USP34: variants seen among roughly 807,000 people sequenced by gnomAD.
USP34 encodes the protein ubiquitin carboxyl-terminal hydrolase 34.
In USP34, 70 loss-of-function variants were observed where a neutral mutation model predicts 460.3. The ratio of observed to expected loss-of-function variants is 0.15; its 90% CI spans 0.13 to 0.19. The LOEUF (loss-of-function observed/expected upper bound fraction) is 0.19, where lower values mean the gene tolerates loss of function less well. Ranked by LOEUF, USP34 falls within the 10% of genes least tolerant of loss-of-function variation. The probability of loss-of-function intolerance (pLI) is 1.00; values close to 1 mark genes in which losing one functional copy is unlikely to be tolerated. For missense variants in USP34, 3,985 were observed against 4,236.2 expected, an observed-to-expected ratio of 0.94 and a Z score of 1.65; for synonymous variants, 1,647 against 1,405.3, an observed-to-expected ratio of 1.17 and a Z score of -3.85.
chr2:61,385,192 C>T (rs1693098876), intron 5 of USP34, among the ~76,000 whole-genome samples: 1 of 152,076 alleles, frequency 6.6e-6, no homozygotes, highest in Admixed American at 6.6e-5. Context: ...AAGATACACA[C>T]CTCTACATAA....
At chr2:61,360,945 T>C (rs892629628) in intron 10 of USP34, among the ~76,000 whole-genome samples, 1 of 152,178 alleles carries the variant, frequency 6.6e-6, no homozygotes, top group Non-Finnish European at 1.5e-5. Context: ...TTAATAGGCG[T>C]GTGCCACCAC....
chr2:61,263,169 T>C (rs1055312048), intron 43 of USP34, among the ~76,000 whole-genome samples: 4 of 122,168 alleles, frequency 3.3e-5, no homozygotes, highest in Admixed American at 8.9e-5. Context: ...CCACCACACA[T>C]GGAATTTTTT....
chr2:61,375,039 G>A (rs1692750646), intron 8 of USP34, among the ~76,000 whole-genome samples: 1 of 152,152 alleles, frequency 6.6e-6, no homozygotes, highest in Admixed American at 6.5e-5. Context: ...ACACAGAACA[G>A]TCTGTAGTAC....
intron 48 of USP34, among the ~76,000 whole-genome samples, chr2:61,254,819 T>C (rs1171594010): frequency 1.3e-5 from 2 of 152,176 alleles, no homozygotes; most frequent in Non-Finnish European, 2.9e-5. Context: ...TTGTATAATG[T>C]TTGGCACGCA....
At chr2:61,384,952 T>C (rs1489888180) in intron 5 of USP34, among the ~76,000 whole-genome samples, 1 of 152,078 alleles carries the variant, frequency 6.6e-6, no homozygotes. Context: ...TATAATTATA[T>C]AATTAGGAAA....
chr2:61,451,702 C>G (rs1312026310), intron 1 of USP34, among the ~76,000 whole-genome samples: 1 of 149,422 alleles, frequency 6.7e-6, no homozygotes, highest in African/African-American at 2.5e-5. Flanking sequence ...AACAAAAAAA[C>G]AAAAAACCAG....
At chr2:61,332,337 G>A (rs1266647794) in intron 19 of USP34, among the ~76,000 whole-genome samples, 1 of 151,948 alleles carries the variant, frequency 6.6e-6, no homozygotes, top group Non-Finnish European at 1.5e-5. Flanking sequence ...AATAACCACA[G>A]GAGTTCTTTT....
In USP34 at chr2:61,314,905, T is replaced by C. The variant is rs1157591948; in HGVS notation, c.3352A>G (p.Ile1118Val). ...ATATAATAGGAGTTAATATACTGGA[T>C]AGCTGCTCGACTGACATCACCAGAT... is the stretch of plus-strand genomic sequence containing the variant. ...AQSGDVSRAAIQYINSYYING... is the reference protein window; with the variant it reads ...AQSGDVSRAAVQYINSYYING... The change falls in exon 24 of 80, where the codon ATC becomes GTC. Residue 1118 changes from isoleucine to valine, a missense_variant. Coordinates refer to ENST00000398571, the MANE Select transcript of USP34 (RefSeq NM_014709.4). 6.2e-7 allele frequency: 1 copy of C among 1,613,904 alleles called. No homozygotes were observed. Among genetic ancestry groups the C allele is most frequent in the Admixed American group, 1.7e-5 (1 of 59,984 alleles).
Position 61,341,684 on chromosome 2 carries a change from TTGCACAACC to T in USP34, c.2501-2012_2501-2004del, listed in dbSNP as rs989004831. ...GAAGCAGATGCTGGCACTATGCTTC[TTGCACAACC>T]TGCACAACTGTGAGCCAAAATAAAC... On this transcript the variant is annotated intron_variant, in intron 16 of 79. Transcript: ENST00000398571. Among the ~76,000 whole-genome samples, 173 of 152,080 alleles carry T rather than the reference TTGCACAACC, an allele frequency of 1.1e-3. 1 individual carries two copies. The highest frequency in any genetic ancestry group is 4.0e-3 in the African/African-American group (164 of 41,498).
Position 61,188,370 on chromosome 2 carries a change from T to TCCTTGGAACAGTGGA in USP34, c.10358_10372dup (p.Lys3457_Asp3458insValHisCysSerLys). ...AGATTCTTCCTCAGCTAGGGTAGAA[T>TCCTTGGAACAGTGGA]CCTTGGAACAGTGGAGGTCTTTAAA... On this transcript the variant is annotated inframe_insertion, in exon 80 of 80. Coordinates refer to ENST00000398571, the MANE Select transcript of USP34 (RefSeq NM_014709.4). 2.5e-6 allele frequency: 4 copies of TCCTTGGAACAGTGGA among 1,613,958 alleles called. No individual in the cohort carries two copies. The highest frequency in any genetic ancestry group is 3.4e-6 in the Non-Finnish European group (4 of 1,180,042).
intron 1 of USP34, among the ~76,000 whole-genome samples, chr2:61,432,333 G>T (rs1694702469): frequency 6.6e-6 from 1 of 152,116 alleles, no homozygotes; most frequent in Non-Finnish European, 1.5e-5. Context: ...AAAATTAGCT[G>T]GGCATAATAT....
chr2:61,346,380 G>C (rs1691767909), intron 15 of USP34: 1 of 149,558 alleles, frequency 6.7e-6, no homozygotes, highest in Non-Finnish European at 1.5e-5. Flanking sequence ...TTAAGAATTA[G>C]CTAGGAGTGG....
intron 33 of USP34, among the ~76,000 whole-genome samples, chr2:61,291,802 CAA>C (rs1180286106): frequency 2.0e-5 from 3 of 152,166 alleles, no homozygotes; most frequent in Non-Finnish European, 4.4e-5. Context: ...AACTCATAAA[CAA>C]ATGCTCACAA....
chr2:61,433,196 G>A (rs189791347), intron 1 of USP34, among the ~76,000 whole-genome samples: 46 of 152,288 alleles, frequency 3.0e-4, no homozygotes, highest in African/African-American at 1.0e-3. Context: ...CAGTATGGAA[G>A]CATCCAGCCT....
intron 8 of USP34, among the ~76,000 whole-genome samples, chr2:61,374,176 A>C (rs1203147104): frequency 6.6e-6 from 1 of 151,492 alleles, no homozygotes; most frequent in Non-Finnish European, 1.5e-5. Context: ...AAAAAAAAAA[A>C]AACAGAGAAA....
intron 75 of USP34, chr2:61,200,305 A>T (rs903166617): frequency 6.6e-6 from 1 of 152,322 alleles, no homozygotes; most frequent in Non-Finnish European, 1.5e-5. Context: ...TTGCCGACAC[A>T]GTTTTTTTCA....
intron 15 of USP34, among the ~76,000 whole-genome samples, chr2:61,344,567 A>G (rs577053718): frequency 6.6e-6 from 1 of 152,306 alleles, no homozygotes; most frequent in Non-Finnish European, 1.5e-5. Context: ...TGATTTAGAG[A>G]CTCACAAGTA....
At chr2:61,246,575 A>C in intron 49 of USP34, 98 bp from the exon 50 acceptor site, 1 of 794,208 alleles carries the variant, frequency 1.3e-6, no homozygotes, top group Non-Finnish European at 1.7e-6. Flanking sequence ...ACAATATTTT[A>C]AGTCATTTTA....
intron 30 of USP34, among the ~76,000 whole-genome samples, chr2:61,296,472 T>C (rs1374153109): frequency 6.6e-6 from 1 of 152,154 alleles, no homozygotes; most frequent in Non-Finnish European, 1.5e-5. Context: ...CTCTGTGTAT[T>C]TTCTCTAAAC....
Sources: gnomAD v4.1 joint callset for allele counts (sites outside exome capture counted in the v4.1 genomes callset) on GRCh38, gnomAD v4.1.1 for gene constraint, MANE v1.5 for transcripts, NCBI Gene and HGNC (gene_info 2026-07-23, HGNC 2026-07-21) for gene names.